DMC1: variants seen among roughly 807,000 people sequenced by gnomAD.
The protein encoded by DMC1 is meiotic recombination protein DMC1 homolog.
Under a neutral mutation model 50.1 loss-of-function variants are expected in DMC1, and 27 were observed. That is an observed-to-expected ratio of 0.54 (90% CI 0.40 to 0.74). DMC1 has a LOEUF of 0.74. Among genes scored for constraint, DMC1 ranks in the 30% least tolerant of loss-of-function variants. The probability of loss-of-function intolerance (pLI) is 0.00; values close to 1 mark genes in which losing one functional copy is unlikely to be tolerated. For missense variants in DMC1, 295 were observed against 420.2 expected (o/e 0.70, Z 2.60); for synonymous variants, 148 against 136.1 (o/e 1.09, Z -0.61).
chr22:38,543,786 T>C (rs1956422910), intron 8 of DMC1, among the ~76,000 whole-genome samples: 2 of 152,176 alleles, frequency 1.3e-5, no homozygotes, highest in South Asian at 4.1e-4. Flanking sequence ...CCTGGTCACC[T>C]GCTCTGACCT....
chr22:38,532,907 C>T (rs571123398), intron 12 of DMC1, among the ~76,000 whole-genome samples: 4 of 152,106 alleles, frequency 2.6e-5, no homozygotes, highest in Admixed American at 6.5e-5. Flanking sequence ...CGTGCTTGGC[C>T]GAGGCCAGGA....
intron 1 of DMC1, chr22:38,568,522 TG>T (rs1310586411): frequency 5.8e-6 from 3 of 520,236 alleles, no homozygotes; most frequent in Non-Finnish European, 1.0e-5. Context: ...AGGGGCAAAT[TG>T]GGGGGTGCTT....
intron 9 of DMC1, 132 bp downstream of exon 9, chr22:38,539,189 T>A: frequency 1.5e-6 from 1 of 686,822 alleles, no homozygotes; most frequent in East Asian, 2.8e-5. Flanking sequence ...TGATAAAATT[T>A]ATAGACTGAG....
At chr22:38,520,824 CAT>C (rs1450597442) in intron 13 of DMC1, among the ~76,000 whole-genome samples, 1 of 151,948 alleles carries the variant, frequency 6.6e-6, no homozygotes, top group African/African-American at 2.4e-5. Context: ...TCCATGGAAA[CAT>C]AGGTTGTCTA....
At chr22:38,563,483 C>T (rs991587036) in intron 4 of DMC1, among the ~76,000 whole-genome samples, 1 of 152,030 alleles carries the variant, frequency 6.6e-6, no homozygotes, top group Non-Finnish European at 1.5e-5. Context: ...TTAGAACCAC[C>T]GTATTATGAA....
downstream of DMC1, among the ~76,000 whole-genome samples, chr22:38,516,647 T>C (rs2089978609): frequency 2.0e-5 from 3 of 152,090 alleles, no homozygotes; most frequent in African/African-American, 7.2e-5. Context: ...AAGTTTATTA[T>C]ACTCAGGTCC....
At chr22:38,561,553 G>A (rs1814833172) in intron 5 of DMC1, among the ~76,000 whole-genome samples, 1 of 152,064 alleles carries the variant, frequency 6.6e-6, no homozygotes, top group Non-Finnish European at 1.5e-5. Context: ...CTAAGATGAG[G>A]GAGACTTTGG....
chr22:38,512,896 C>A, the DMC1 span, among the ~76,000 whole-genome samples: 1 of 152,122 alleles, frequency 6.6e-6, no homozygotes, highest in African/African-American at 2.4e-5. Context: ...CCAGCCTAGC[C>A]AACATGGCAA....
At chr22:38,510,564 A>G in the DMC1 span, among the ~76,000 whole-genome samples, 1 of 152,212 alleles carries the variant, frequency 6.6e-6, no homozygotes, top group African/African-American at 2.4e-5. Context: ...CCCCAGATAT[A>G]CAAGTGAGGC....
At chr22:38,513,736 C>T in the DMC1 span, among the ~76,000 whole-genome samples, 1 of 152,168 alleles carries the variant, frequency 6.6e-6, no homozygotes, top group African/African-American at 2.4e-5. Context: ...CACCACCAAA[C>T]CCGACTAATT....
chr22:38,513,522 A>G, the DMC1 span, among the ~76,000 whole-genome samples: 2 of 152,180 alleles, frequency 1.3e-5, no homozygotes, highest in African/African-American at 2.4e-5. Context: ...TCTCCTCACC[A>G]TGATGAAAGA....
chr22:38,526,399 G>A (rs1336811898), intron 12 of DMC1, among the ~76,000 whole-genome samples: 6 of 151,882 alleles, frequency 4.0e-5, no homozygotes, highest in South Asian at 2.1e-4. Context: ...TAGTAGAGAC[G>A]GGGTTTCACT....
downstream of DMC1, among the ~76,000 whole-genome samples, chr22:38,515,823 C>A (rs894671435): frequency 6.6e-6 from 1 of 152,076 alleles, no homozygotes; most frequent in Non-Finnish European, 1.5e-5. Context: ...AATAAACAAA[C>A]AAACTTGTTT....
chr22:38,542,820 T>G (rs960379329), intron 8 of DMC1, among the ~76,000 whole-genome samples: 1 of 152,146 alleles, frequency 6.6e-6, no homozygotes, highest in Non-Finnish European at 1.5e-5. Flanking sequence ...AGAGCTATAG[T>G]ATCCAAAACA....
the DMC1 span, among the ~76,000 whole-genome samples, chr22:38,509,622 A>G: frequency 6.6e-6 from 1 of 152,038 alleles, no homozygotes; most frequent in African/African-American, 2.4e-5. Context: ...GAGGCCCACA[A>G]GGAATTTCTT....
intron 4 of DMC1, among the ~76,000 whole-genome samples, chr22:38,564,773 C>T (rs1329729834): frequency 6.6e-6 from 1 of 152,178 alleles, no homozygotes; most frequent in African/African-American, 2.4e-5. Flanking sequence ...TGTCATAGAG[C>T]AGTTTCCCAA....
chr22:38,549,883 A>G, intron 8 of DMC1, 42 bp downstream of exon 8: 1 of 1,421,544 alleles, frequency 7.0e-7, no homozygotes, highest in Non-Finnish European at 9.9e-7. Flanking sequence ...TAACATTCCT[A>G]TATCACACTA....
the DMC1 span, among the ~76,000 whole-genome samples, chr22:38,513,574 C>A: frequency 2.6e-5 from 4 of 152,018 alleles, no homozygotes; most frequent in African/African-American, 9.7e-5. Flanking sequence ...CTCTCTCTTT[C>A]TTTTTTCTTT....
At chr22:38,536,386 G>A (rs1328210538) in intron 12 of DMC1, among the ~76,000 whole-genome samples, 3 of 152,092 alleles carry the variant, frequency 2.0e-5, no homozygotes, top group East Asian at 3.9e-4. Flanking sequence ...ATTTGTTACG[G>A]TGGCAACAAA....
Sources: allele counts gnomAD v4.1 joint callset (sites outside exome capture counted in the v4.1 genomes callset), GRCh38; gene constraint gnomAD v4.1.1; transcripts MANE v1.5; gene names NCBI Gene and HGNC (gene_info 2026-07-23, HGNC 2026-07-21).